The following DRC11 variants were observed in gnomAD, a reference collection of about 807,000 sequenced individuals.
DRC11 encodes IQ and AAA domain-containing protein 1.
the DRC11 span, among the ~76,000 whole-genome samples, chr2:236,327,890 C>G: frequency 3.3e-5 from 5 of 152,196 alleles, no homozygotes; most frequent in Non-Finnish European, 7.3e-5. Flanking sequence ...CCATGTTGGT[C>G]AGGCTGGTCT....
chr2:236,394,442 C>T, the DRC11 span, among the ~76,000 whole-genome samples: 14 of 152,158 alleles, frequency 9.2e-5, no homozygotes, highest in African/African-American at 2.9e-4. The surrounding 1 kb of genome is among the most constrained non-coding windows in gnomAD (Gnocchi z 7.0). Flanking sequence ...ACCAGCCTGA[C>T]GAACATGATG....
chr2:236,470,916 A>C, the DRC11 span, among the ~76,000 whole-genome samples: 1 of 152,196 alleles, frequency 6.6e-6, no homozygotes, highest in Non-Finnish European at 1.5e-5. The surrounding 1 kb of genome is among the most constrained non-coding windows in gnomAD (Gnocchi z 5.1). Flanking sequence ...TTTATTAGGA[A>C]CTGGGTTATA....
the DRC11 span, among the ~76,000 whole-genome samples, chr2:236,423,252 G>C: frequency 6.6e-6 from 1 of 151,642 alleles, no homozygotes; most frequent in Non-Finnish European, 1.5e-5. Flanking sequence ...ACTACCATCA[G>C]AGTGAACAGG....
At chr2:236,337,492 C>T in the DRC11 span, among the ~76,000 whole-genome samples, 183 of 152,290 alleles carry the variant, frequency 1.2e-3, no homozygotes, top group Non-Finnish European at 2.2e-3. The surrounding 1 kb of genome is among the most constrained non-coding windows in gnomAD (Gnocchi z 4.9). Flanking sequence ...AGCCCTGTGG[C>T]GTGAACCGTT....
the DRC11 span, among the ~76,000 whole-genome samples, chr2:236,436,473 T>C: frequency 6.6e-6 from 1 of 152,208 alleles, no homozygotes; most frequent in Non-Finnish European, 1.5e-5. Context: ...TTAACATTTT[T>C]ACATGTAAAT....
At chr2:236,363,851 A>T in the DRC11 span, 1 of 1,613,942 alleles carries the variant, frequency 6.2e-7, no homozygotes, top group Non-Finnish European at 8.5e-7. The surrounding 1 kb of genome is among the most constrained non-coding windows in gnomAD (Gnocchi z 5.6). Flanking sequence ...TTAGAGGAGG[A>T]CAAGTTGAAG....
the DRC11 span, among the ~76,000 whole-genome samples, chr2:236,395,684 A>C: frequency 3.9e-5 from 6 of 152,254 alleles, no homozygotes; most frequent in Admixed American, 3.3e-4. Context: ...TTATGTGTTT[A>C]AAATTGTAAG....
At chr2:236,381,146 G>A in the DRC11 span, among the ~76,000 whole-genome samples, 2 of 152,214 alleles carry the variant, frequency 1.3e-5, no homozygotes, top group African/African-American at 4.8e-5. This position sits in a 1 kb window ranked among gnomAD's most constrained non-coding sequence, Gnocchi z 5.8. Context: ...TTGTTCACCC[G>A]TTCCACCATA....
At chr2:236,327,651 G>A in the DRC11 span, among the ~76,000 whole-genome samples, 1 of 151,756 alleles carries the variant, frequency 6.6e-6, no homozygotes, top group Non-Finnish European at 1.5e-5. Context: ...CTTTAGTTTT[G>A]TCCAGTCCAC....
chr2:236,391,891 T>C, the DRC11 span: 1 of 1,165,794 alleles, frequency 8.6e-7, no homozygotes, highest in South Asian at 1.3e-5. The surrounding 1 kb of genome is among the most constrained non-coding windows in gnomAD (Gnocchi z 4.5). Flanking sequence ...GCGGCCCTCC[T>C]GGACATGCCA....
the DRC11 span, among the ~76,000 whole-genome samples, chr2:236,370,627 C>CTGAG: frequency 2.6e-5 from 4 of 152,096 alleles, no homozygotes; most frequent in African/African-American, 9.7e-5. The surrounding 1 kb of genome is among the most constrained non-coding windows in gnomAD (Gnocchi z 5.5). Flanking sequence ...GCAAGAAGGA[C>CTGAG]TGAGTTTAAA....
chr2:236,313,196 A>G, the DRC11 span, among the ~76,000 whole-genome samples: 1 of 152,300 alleles, frequency 6.6e-6, no homozygotes, highest in African/African-American at 2.4e-5. The surrounding 1 kb of genome is among the most constrained non-coding windows in gnomAD (Gnocchi z 4.5). Flanking sequence ...CCTAACAAAG[A>G]TATTACAAGA....
the DRC11 span, among the ~76,000 whole-genome samples, chr2:236,383,863 G>C: frequency 6.9e-6 from 1 of 145,520 alleles, no homozygotes; most frequent in African/African-American, 2.6e-5. Flanking sequence ...CCCTTCCTGT[G>C]TCCATGTGAT....
chr2:236,430,907 C>T, the DRC11 span, among the ~76,000 whole-genome samples: 2 of 152,084 alleles, frequency 1.3e-5, no homozygotes, highest in Admixed American at 6.5e-5. This position sits in a 1 kb window ranked among gnomAD's most constrained non-coding sequence, Gnocchi z 6.0. Flanking sequence ...TTATTTTGCT[C>T]CTGCTCATCA....
chr2:236,438,932 C>G, the DRC11 span, among the ~76,000 whole-genome samples: 1 of 150,040 alleles, frequency 6.7e-6, no homozygotes, highest in African/African-American at 2.5e-5. Context: ...AACCGCTCAA[C>G]TACATGGAAA....
chr2:236,503,501 G>A, the DRC11 span: 1 of 941,550 alleles, frequency 1.1e-6, no homozygotes. This position sits in a 1 kb window ranked among gnomAD's most constrained non-coding sequence, Gnocchi z 4.9. Flanking sequence ...AGCCTTCCGG[G>A]TCCTGCCATT....
chr2:236,357,045 AT>A, the DRC11 span, among the ~76,000 whole-genome samples: 981 of 98,012 alleles, frequency 0.01, 53 homozygotes, highest in Middle Eastern at 0.028. Context: ...ATATTCATAT[AT>A]TATATATCTA....
chr2:236,460,612 C>T, the DRC11 span, among the ~76,000 whole-genome samples: 1 of 151,902 alleles, frequency 6.6e-6, no homozygotes. The surrounding 1 kb of genome is among the most constrained non-coding windows in gnomAD (Gnocchi z 4.0). Flanking sequence ...ATAAAAATAA[C>T]ACTTATTTTT....
the DRC11 span, among the ~76,000 whole-genome samples, chr2:236,477,538 T>G: frequency 5.3e-5 from 8 of 152,150 alleles, no homozygotes; most frequent in Non-Finnish European, 1.2e-4. Flanking sequence ...GCCCATGCAG[T>G]TCAAACCTGT....
Sources: allele counts gnomAD v4.1 joint callset (sites outside exome capture counted in the v4.1 genomes callset), GRCh38; gene constraint gnomAD v4.1.1; non-coding constraint Gnocchi (gnomAD v3.1); transcripts MANE v1.5; gene names NCBI Gene and HGNC (gene_info 2026-07-23, HGNC 2026-07-21).